Variants in GREB1L observed in about 807,000 individuals in gnomAD.
GREB1L encodes the protein GREB1-like protein.
Under a neutral mutation model 200.8 loss-of-function variants are expected in GREB1L, and 17 were observed. That is an observed-to-expected ratio of 0.08 (90% CI 0.06 to 0.13). GREB1L has a LOEUF of 0.13. Ranked by LOEUF, GREB1L falls within the 10% of genes least tolerant of loss-of-function variation. GREB1L has a pLI of 1.00. For synonymous variants in GREB1L, 789 were observed against 893.0 expected (o/e 0.88, Z 2.08); for missense variants, 1,657 against 2,367.7 (o/e 0.70, Z 6.23).
rs1249847780 is a variant in GREB1L at position 21,521,065 on chromosome 18, T to C, written c.5608+242T>C. ...AACAAAAATTAGCCAGGCATGGTGG[T>C]GTGCACCTGTAGTCCCAGCTACTGG... On this transcript the variant is annotated intron_variant, in intron 32 of 32. Coordinates refer to ENST00000424526, the MANE Select transcript of GREB1L (RefSeq NM_001142966.3). Among the ~76,000 whole-genome samples, 7 of 152,044 alleles carry C rather than the reference T, an allele frequency of 4.6e-5. No individual in the cohort carries two copies. In the East Asian group the frequency reaches 5.8e-4, roughly 13 times the overall value.
At chr18:21,427,526 A>C (rs1257358982) in intron 7 of GREB1L, among the ~76,000 whole-genome samples, 1 of 152,054 alleles carries the variant, frequency 6.6e-6, no homozygotes. Context: ...AAACAAAAAA[A>C]CCAACAATGG....
At chr18:21,522,367 G>T (rs2037618595) in intron 32 of GREB1L, among the ~76,000 whole-genome samples, 1 of 151,916 alleles carries the variant, frequency 6.6e-6, no homozygotes, top group Admixed American at 6.6e-5. Context: ...TCAGCTACTT[G>T]GGAGGCTAAC....
intron 1 of GREB1L, among the ~76,000 whole-genome samples, chr18:21,358,502 A>G (rs755593563): frequency 6.6e-5 from 10 of 152,108 alleles, no homozygotes; most frequent in Non-Finnish European, 1.5e-4. Flanking sequence ...TTTTTAGTGG[A>G]GATGGGGTTT....
intron 1 of GREB1L, among the ~76,000 whole-genome samples, chr18:21,307,160 A>G (rs2038713522): frequency 6.6e-6 from 1 of 152,184 alleles, no homozygotes; most frequent in South Asian, 2.1e-4. Context: ...TTTTTCCTTT[A>G]GGAGTTTTGA....
chr18:21,516,729 A>G lies in GREB1L; in HGVS notation c.5246A>G (p.Asp1749Gly). ...CATGTTCAGGTTGGAGGGCAAAGGG[A>G]CTTTATCATTAAACCAAAGATCATG... is the stretch of plus-strand genomic sequence containing the variant. ...KKHVQVGGQR[D>G]FIIKPKIMVS... Residue 1749 changes from aspartate to glycine, a missense_variant, in exon 30 of 33, where the codon GAC (aspartate) becomes GGC (glycine). Physicochemically the swap from Asp to Gly is moderately conservative, Grantham distance 94. This residue lies in a region of GREB1L where 190 missense variants were observed against 230.2 expected (regional missense o/e 0.83). Transcript: ENST00000424526. 6.4e-7 allele frequency: 1 copy of G among 1,551,586 alleles called. No individual in the cohort carries two copies. Among genetic ancestry groups the G allele is most frequent in the Non-Finnish European group, 8.7e-7 (1 of 1,146,908 alleles).
chr18:21,454,598 A>G, intron 15 of GREB1L, 35 bp downstream of exon 15: 1 of 1,471,114 alleles, frequency 6.8e-7, no homozygotes, highest in Non-Finnish European at 9.3e-7. Flanking sequence ...GCCCACCTAG[A>G]TCCAGCTTCA....
intron 1 of GREB1L, among the ~76,000 whole-genome samples, chr18:21,261,247 A>G (rs375094135): frequency 1.3e-5 from 2 of 152,016 alleles, no homozygotes; most frequent in African/African-American, 4.8e-5. Flanking sequence ...TTAGTCTTAC[A>G]CTTAGTCTGA....
rs978291861 is a variant in GREB1L, at chr18:21,518,758, C to T, written c.5472+524C>T. Among the ~76,000 whole-genome samples the T allele has an allele frequency of 3.3e-5, 5 of 152,156 alleles. 1 individual carries two copies. The highest frequency in any genetic ancestry group is 3.3e-4 in the Admixed American group (5 of 15,280). On this transcript the variant is annotated intron_variant, in intron 31 of 32. Transcript: ENST00000424526. ...TTTAGAGGTGGCATTTCTCCACTTC[C>T]CACCCCTTGGACTTCTTTCTAAAAT... is the stretch of plus-strand genomic sequence containing the variant.
intron 2 of GREB1L, among the ~76,000 whole-genome samples, chr18:21,373,144 G>C (rs2039944891): frequency 6.6e-6 from 1 of 152,028 alleles, no homozygotes; most frequent in Non-Finnish European, 1.5e-5. Flanking sequence ...GAGAAGGCAC[G>C]CATCATCTCA....
intron 19 of GREB1L, among the ~76,000 whole-genome samples, chr18:21,490,989 G>A (rs768713330): frequency 3.9e-5 from 6 of 152,098 alleles, no homozygotes; most frequent in Non-Finnish European, 7.4e-5. Context: ...CCCTCTGCAC[G>A]GCCAGTGATT....
At chr18:21,493,749 G>C (rs1468779061) in intron 19 of GREB1L, among the ~76,000 whole-genome samples, 3 of 150,318 alleles carry the variant, frequency 2.0e-5, no homozygotes, top group Non-Finnish European at 4.4e-5. Flanking sequence ...GCCTGTAATC[G>C]CAGCTACTCA....
At chr18:21,388,821 A>G (rs1202726784) in intron 4 of GREB1L, among the ~76,000 whole-genome samples, 2 of 152,050 alleles carry the variant, frequency 1.3e-5, no homozygotes, top group Non-Finnish European at 2.9e-5. Context: ...AGTATTAGGC[A>G]TATTGTAGGA....
At position 21,524,872 on chromosome 18, in the gene GREB1L, G is replaced by C; in HGVS notation, c.*2051G>C. On this transcript the variant is annotated 3_prime_UTR_variant, in exon 33 of 33. Transcript: ENST00000424526. ...CCATCACCCCTATAATGGAGAAATT[G>C]ATCTGCCTATTCTTTTCAAAGCCTA... 6.6e-6 allele frequency: 1 copy of C among 151,940 alleles called. No individual in the cohort carries two copies. The highest frequency in any genetic ancestry group is 1.9e-4 in the East Asian group (1 of 5,198). The allele number at this position is 151,940 out of a possible 1,614,324, so 9.4% of individuals were successfully genotyped here.
At chr18:21,422,700 C>T (rs1311493227) in intron 7 of GREB1L, among the ~76,000 whole-genome samples, 2 of 152,152 alleles carry the variant, frequency 1.3e-5, no homozygotes, top group Non-Finnish European at 2.9e-5. Flanking sequence ...TATTGATAGG[C>T]ATTTATATTG....
chr18:21,359,672 A>G (rs2039554831), intron 1 of GREB1L, among the ~76,000 whole-genome samples: 1 of 152,198 alleles, frequency 6.6e-6, no homozygotes, highest in Non-Finnish European at 1.5e-5. Context: ...TTCCTACCAG[A>G]CAGGAACTGC....
intron 1 of GREB1L, among the ~76,000 whole-genome samples, chr18:21,265,450 G>GA (rs1306311592): frequency 1.3e-5 from 2 of 152,104 alleles, no homozygotes; most frequent in African/African-American, 4.8e-5. Flanking sequence ...CAAGTAGCAT[G>GA]AAAAAATGGA....
chr18:21,415,657 CA>C (rs2031557254), intron 7 of GREB1L, among the ~76,000 whole-genome samples: 1 of 152,132 alleles, frequency 6.6e-6, no homozygotes, highest in Admixed American at 6.6e-5. Context: ...AGCATTCACA[CA>C]AGGCCAAGAA....
intron 7 of GREB1L, among the ~76,000 whole-genome samples, chr18:21,429,498 G>A (rs1175099683): frequency 6.6e-5 from 10 of 151,310 alleles, no homozygotes; most frequent in Non-Finnish European, 1.5e-4. Context: ...GCAAACCATG[G>A]CACCCAGCCA....
At chr18:21,385,211 C>G (rs1424256892) in intron 4 of GREB1L, among the ~76,000 whole-genome samples, 2 of 151,982 alleles carry the variant, frequency 1.3e-5, no homozygotes, top group Admixed American at 1.3e-4. Flanking sequence ...GATTTCAGTG[C>G]ATGAAAATTT....
Sources: allele counts gnomAD v4.1 joint callset (sites outside exome capture counted in the v4.1 genomes callset), GRCh38; gene constraint gnomAD v4.1.1; regional missense constraint gnomAD v4.1.1; transcripts MANE v1.5; gene names NCBI Gene and HGNC (gene_info 2026-07-23, HGNC 2026-07-21).